ARMC10: variants seen among roughly 807,000 people sequenced by gnomAD.
ARMC10 encodes armadillo repeat containing 10, also known as armadillo repeat-containing protein 10.
ARMC10 carries 23 observed loss-of-function variants against 30.2 expected under a neutral mutation model. The observed-to-expected ratio is 0.76, with a 90% CI of 0.55 to 1.08. The LOEUF (loss-of-function observed/expected upper bound fraction) is 1.08. ARMC10 is among the 50% of genes least tolerant of loss of function. The pLI, the probability that ARMC10 is intolerant of heterozygous loss-of-function variation, is 0.00. For synonymous variants in ARMC10, 111 were observed against 164.4 expected (o/e 0.68, Z 2.48); for missense variants, 303 against 413.7 (o/e 0.73, Z 2.32).
intron 2 of ARMC10, among the ~76,000 whole-genome samples, chr7:103,081,362 GCTTT>G (rs1800362539): frequency 1.3e-5 from 2 of 152,158 alleles, no homozygotes; most frequent in African/African-American, 2.4e-5. Flanking sequence ...ACATCTATAA[GCTTT>G]CTCTTTTTTA....
Position 103,097,311 on chromosome 7 carries a change from A to C in ARMC10, c.740A>C (p.Glu247Ala). 4.3e-6 allele frequency: 7 copies of C among 1,613,846 alleles called. No individual in the cohort carries two copies. The highest frequency in any genetic ancestry group is 5.9e-6 in the Non-Finnish European group (7 of 1,179,860). The change falls in exon 6 of 7, where the codon GAA becomes GCA. Residue 247 changes from glutamate to alanine, a missense_variant. By Grantham distance (107) the Glu-to-Ala change is moderately radical. Around this residue, in one of 4 missense-constraint regions of ARMC10, gnomAD observed 170 missense variants for 207.2 expected, o/e 0.82. Coordinates refer to ENST00000323716, the MANE Select transcript of ARMC10 (RefSeq NM_031905.5). ...TTGAAACTGCTTTTGAATTTGTCTG[A>C]AAATCCAGCCATGACAGAAGGACTT... ...QVLKLLLNLS[E>A]NPAMTEGLLR...
intron 2 of ARMC10, among the ~76,000 whole-genome samples, chr7:103,081,205 C>T (rs2129520747): frequency 6.6e-6 from 1 of 152,276 alleles, no homozygotes; most frequent in African/African-American, 2.4e-5. Flanking sequence ...ACTAGACAAC[C>T]TGACCCCATA....
intron 5 of ARMC10, chr7:103,096,715 C>T (rs985893041): frequency 2.6e-5 from 4 of 153,766 alleles, no homozygotes. Flanking sequence ...AAGAGATCCT[C>T]CCCCGCTCAG....
chr7:103,095,919 C>T (rs901799151), intron 5 of ARMC10: 3 of 143,562 alleles, frequency 2.1e-5, no homozygotes, highest in Non-Finnish European at 4.5e-5. Flanking sequence ...GAACATCACA[C>T]TCTGGGGACT....
rs1061844 is a variant in ARMC10, at chr7:103,098,741, C to T, written c.*188C>T. 0.12 allele frequency: 89,551 copies of T among 746,570 alleles called. 4,120 individuals carry two copies. Among genetic ancestry groups the T allele is most frequent in the Middle Eastern group, 0.19 (430 of 2,272 alleles). The allele number at this position is 746,570 out of a possible 1,614,324, so 46.2% of individuals were successfully genotyped here. A position where few individuals can be genotyped will look rare whatever the true frequency, so the allele number is the denominator to read the frequency against. On this transcript the variant is annotated 3_prime_UTR_variant, in exon 7 of 7. Transcript: ENST00000323716. ...TTTTGATGCCAAGTGAATATAAGAG[C>T]TTGTACTGAAACCATTTATTTCTTT... is the stretch of plus-strand genomic sequence containing the variant.
chr7:103,080,623 T>A (rs865779777), intron 2 of ARMC10, among the ~76,000 whole-genome samples: 18 of 151,160 alleles, frequency 1.2e-4, no homozygotes, highest in Non-Finnish European at 1.8e-4. Context: ...TTATTTTATT[T>A]TTTATTTATT....
At chr7:103,084,683 TTCTC>T (rs1800677312) in intron 3 of ARMC10, among the ~76,000 whole-genome samples, 1 of 152,228 alleles carries the variant, frequency 6.6e-6, no homozygotes, top group Non-Finnish European at 1.5e-5. Context: ...AGTTCTCTCT[TTCTC>T]TACCTTTTGG....
At chr7:103,081,676 A>G (rs548806256) in intron 2 of ARMC10, among the ~76,000 whole-genome samples, 2 of 150,194 alleles carry the variant, frequency 1.3e-5, no homozygotes, top group South Asian at 2.2e-4. Context: ...CACCCAGTCT[A>G]TAAGCTTTTT....
At chr7:103,098,209 A>G in intron 6 of ARMC10, 90 bp from the exon 7 acceptor site, 1 of 1,164,466 alleles carries the variant, frequency 8.6e-7, no homozygotes, top group Non-Finnish European at 1.1e-6. Context: ...AATGTGAGTT[A>G]TTCAATGTAG....
intron 2 of ARMC10, among the ~76,000 whole-genome samples, chr7:103,079,324 G>GA (rs200971552): frequency 0.011 from 1,668 of 151,776 alleles, 34 homozygotes; most frequent in African/African-American, 0.039. Flanking sequence ...CATAGCTGAA[G>GA]CTCGGGGAAA....
At chr7:103,083,631 T>C (rs2129521478) in intron 2 of ARMC10, 51 bp from the exon 3 acceptor site, 1 of 1,529,460 alleles carries the variant, frequency 6.5e-7, no homozygotes, top group Non-Finnish European at 9.0e-7. Context: ...GTTTCAAAAA[T>C]AACCTCGTAT....
rs148932602 is a variant in ARMC10 at position 103,078,790 on chromosome 7, G to A, written c.244+2909G>A. On this transcript the variant is annotated intron_variant, in intron 2 of 6. Transcript: ENST00000323716. ...TTTGGGAGGCTGAGGTGGAAGAATC[G>A]CTTGAGCCCAGAGTTCAAAACCAGG... Among the ~76,000 whole-genome samples the A allele has an allele frequency of 2.6e-3, 394 of 152,028 alleles. 4 individuals carry two copies. Among genetic ancestry groups the A allele is most frequent in the African/African-American group, 8.9e-3 (368 of 41,464 alleles).
chr7:103,084,056 C>T (rs1339794228), intron 3 of ARMC10: 2 of 1,490,632 alleles, frequency 1.3e-6, no homozygotes, highest in Admixed American at 2.0e-5. Context: ...TCACTGGCAT[C>T]ACATTCGTAA....
At chr7:103,076,302 G>T (rs1172770721) in intron 2 of ARMC10, among the ~76,000 whole-genome samples, 1 of 152,178 alleles carries the variant, frequency 6.6e-6, no homozygotes, top group Non-Finnish European at 1.5e-5. Flanking sequence ...AGTTTATCCT[G>T]AATTTACTGG....
intron 2 of ARMC10, among the ~76,000 whole-genome samples, chr7:103,081,564 G>A (rs896983407): frequency 2.6e-5 from 4 of 152,044 alleles, no homozygotes; most frequent in Non-Finnish European, 5.9e-5. Flanking sequence ...TAGTAGAGAT[G>A]GGGTTTCACC....
intron 1 of ARMC10, 89 bp from the exon 2 acceptor site, chr7:103,075,688 C>A (rs2129518123): frequency 9.7e-7 from 1 of 1,029,928 alleles, no homozygotes; most frequent in Non-Finnish European, 1.4e-6. Context: ...TTAAAGCTTG[C>A]TCCGGGCCTT....
At chr7:103,078,540 CAATT>C (rs1214488104) in intron 2 of ARMC10, among the ~76,000 whole-genome samples, 1 of 152,228 alleles carries the variant, frequency 6.6e-6, no homozygotes, top group Non-Finnish European at 1.5e-5. Context: ...AACTGTGAAT[CAATT>C]AAACCTCTTT....
chr7:103,078,081 C>T (rs539027380), intron 2 of ARMC10, among the ~76,000 whole-genome samples: 1 of 152,194 alleles, frequency 6.6e-6, no homozygotes, highest in East Asian at 1.9e-4. Context: ...CTGCAACCGC[C>T]ACCTCATGGG....
At chr7:103,088,920 C>T (rs535265413) in intron 4 of ARMC10, 7 of 153,090 alleles carry the variant, frequency 4.6e-5, no homozygotes, top group Admixed American at 1.3e-4. Context: ...TTGCCAACAC[C>T]TATTACTTAT....
Sources: allele counts gnomAD v4.1 joint callset (sites outside exome capture counted in the v4.1 genomes callset), GRCh38; gene constraint gnomAD v4.1.1; regional missense constraint gnomAD v4.1.1; transcripts MANE v1.5; gene names NCBI Gene and HGNC (gene_info 2026-07-23, HGNC 2026-07-21).